SEMA3A: variants seen among roughly 807,000 people sequenced by gnomAD.
SEMA3A encodes the protein semaphorin-3A.
SEMA3A carries 29 observed loss-of-function variants against 97.9 expected under a neutral mutation model. The ratio of observed to expected loss-of-function variants is 0.30; its 90% CI spans 0.22 to 0.40. SEMA3A has a LOEUF of 0.40. SEMA3A is among the 10% of genes least tolerant of loss of function. The pLI is 1.00. For missense variants in SEMA3A, 763 were observed against 951.3 expected, an observed-to-expected ratio of 0.80 and a Z score of 2.60; for synonymous variants, 321 against 323.7, an observed-to-expected ratio of 0.99 and a Z score of 0.09.
intron 1 of SEMA3A, among the ~76,000 whole-genome samples, chr7:84,421,779 T>A (rs1413851722): frequency 1.3e-5 from 2 of 152,046 alleles, no homozygotes; most frequent in Admixed American, 1.3e-4. Context: ...GATAATCATG[T>A]GGTTTTTTTT....
chr7:84,376,853 T>TGTAC (rs1326789864), intron 1 of SEMA3A, among the ~76,000 whole-genome samples: 1 of 150,426 alleles, frequency 6.6e-6, no homozygotes, highest in Non-Finnish European at 1.5e-5. Flanking sequence ...TTTATTTTTA[T>TGTAC]GTATGTATGT....
At chr7:84,062,101 G>A (rs924306683) in intron 4 of SEMA3A, among the ~76,000 whole-genome samples, 1 of 152,090 alleles carries the variant, frequency 6.6e-6, no homozygotes, top group African/African-American at 2.4e-5. Context: ...CATTTTAAAA[G>A]CAGCAAAATT....
chr7:84,417,488 C>T (rs557177739), intron 1 of SEMA3A, among the ~76,000 whole-genome samples: 18 of 152,128 alleles, frequency 1.2e-4, no homozygotes, highest in South Asian at 2.1e-4. Context: ...AAATTTATGA[C>T]GCGTTTGTTT....
chr7:84,044,950 C>T (rs1792291686), intron 6 of SEMA3A, among the ~76,000 whole-genome samples: 1 of 151,960 alleles, frequency 6.6e-6, no homozygotes, highest in African/African-American at 2.4e-5. Flanking sequence ...TTGTCACTAC[C>T]ACATGGAAAA....
chr7:84,019,152 TAAA>T (rs1444788274), intron 6 of SEMA3A, among the ~76,000 whole-genome samples: 1 of 151,728 alleles, frequency 6.6e-6, no homozygotes, highest in Admixed American at 6.6e-5. Context: ...AGAAAAATCA[TAAA>T]AAAGAAACTT....
intron 2 of SEMA3A, among the ~76,000 whole-genome samples, chr7:84,331,937 T>A (rs2115951872): frequency 6.6e-6 from 1 of 152,228 alleles, no homozygotes; most frequent in South Asian, 2.1e-4. Context: ...ATTAATGAAA[T>A]GTTCTGGCAC....
chr7:84,002,948 T>C (rs1161823021), intron 11 of SEMA3A, among the ~76,000 whole-genome samples: 1 of 152,142 alleles, frequency 6.6e-6, no homozygotes, highest in African/African-American at 2.4e-5. Context: ...TATTCCTTGA[T>C]GGAATGAGGA....
At chr7:84,149,505 G>A (rs1477285055) in intron 1 of SEMA3A, among the ~76,000 whole-genome samples, 1 of 152,130 alleles carries the variant, frequency 6.6e-6, no homozygotes, top group East Asian at 1.9e-4. Flanking sequence ...CCTCTGGGTT[G>A]GAAAGGACAA....
chr7:84,421,625 C>T (rs1239974384), intron 1 of SEMA3A, among the ~76,000 whole-genome samples: 3 of 152,066 alleles, frequency 2.0e-5, no homozygotes, highest in African/African-American at 7.2e-5. Context: ...CCAGCATTTG[C>T]TCATTCAGTA....
intron 1 of SEMA3A, among the ~76,000 whole-genome samples, chr7:84,421,667 T>G (rs1291291940): frequency 6.6e-6 from 1 of 152,046 alleles, no homozygotes. Context: ...CATAAATAGC[T>G]CTTATTATTT....
At chr7:84,468,661 A>G (rs955188073) in intron 1 of SEMA3A, among the ~76,000 whole-genome samples, 5 of 152,162 alleles carry the variant, frequency 3.3e-5, no homozygotes, top group Admixed American at 2.6e-4. Flanking sequence ...AACTCATGTT[A>G]ATATCAGTCA....
At chr7:84,150,376 G>GGT (rs992804436) in intron 1 of SEMA3A, among the ~76,000 whole-genome samples, 6 of 152,264 alleles carry the variant, frequency 3.9e-5, no homozygotes, top group Admixed American at 6.5e-5. Flanking sequence ...CAGGTCAGTG[G>GGT]GTGCGCACAC....
intron 3 of SEMA3A, among the ~76,000 whole-genome samples, chr7:84,270,895 G>T (rs1430943492): frequency 2.0e-5 from 3 of 151,702 alleles, no homozygotes; most frequent in Non-Finnish European, 4.4e-5. Context: ...CTATAAAATG[G>T]AACTTTCAGG....
intron 16 of SEMA3A, among the ~76,000 whole-genome samples, chr7:83,962,626 GCTCA>G (rs1307106912): frequency 3.3e-5 from 5 of 152,044 alleles, no homozygotes; most frequent in African/African-American, 9.7e-5. Context: ...GGCTCGTAGT[GCTCA>G]CTAAGATTTT....
intron 1 of SEMA3A, among the ~76,000 whole-genome samples, chr7:84,157,524 G>A (rs1796880910): frequency 1.3e-5 from 2 of 152,134 alleles, no homozygotes; most frequent in African/African-American, 4.8e-5. Context: ...AACATTAAAA[G>A]GTGGGTGTTG....
At chr7:84,063,642 T>A (rs537971155) in intron 4 of SEMA3A, among the ~76,000 whole-genome samples, 8 of 151,650 alleles carry the variant, frequency 5.3e-5, no homozygotes, top group Non-Finnish European at 1.2e-4. Flanking sequence ...CAGGAGACGA[T>A]GCGATCAACT....
At chr7:84,098,400 C>CAGGT (rs1410289133) in intron 4 of SEMA3A, among the ~76,000 whole-genome samples, 1 of 151,542 alleles carries the variant, frequency 6.6e-6, no homozygotes, top group African/African-American at 2.4e-5. Flanking sequence ...TCTTCTTGTC[C>CAGGT]AGGTAGAAGT....
chr7:84,344,347 G>A (rs1177838842), intron 2 of SEMA3A, among the ~76,000 whole-genome samples: 2 of 152,124 alleles, frequency 1.3e-5, no homozygotes, highest in Non-Finnish European at 2.9e-5. Flanking sequence ...TCAACAAAAG[G>A]TAGAGCAGAA....
At chr7:84,367,022 T>G (rs1802864357) in intron 2 of SEMA3A, among the ~76,000 whole-genome samples, 1 of 151,108 alleles carries the variant, frequency 6.6e-6, no homozygotes, top group Middle Eastern at 3.4e-3. Flanking sequence ...TAAATTGAGG[T>G]GCAGAGAATT....
Sources: gnomAD v4.1 joint callset for allele counts (sites outside exome capture counted in the v4.1 genomes callset) on GRCh38, gnomAD v4.1.1 for gene constraint, MANE v1.5 for transcripts, NCBI Gene and HGNC (gene_info 2026-07-23, HGNC 2026-07-21) for gene names.